DNMT3A: variants seen among roughly 807,000 people sequenced by gnomAD.
DNMT3A encodes the protein DNA (cytosine-5)-methyltransferase 3A.
Under a neutral mutation model 117.6 loss-of-function variants are expected in DNMT3A, and 267 were observed. That is an observed-to-expected ratio of 2.27 (90% CI 2.05 to 2.51). The LOEUF is 2.51. Ranked by LOEUF, DNMT3A falls within the 30% of genes most tolerant of loss-of-function variation. The pLI, the probability that DNMT3A is intolerant of heterozygous loss-of-function variation, is 0.00. For missense variants in DNMT3A, 1,029 were observed against 1,260.2 expected (o/e 0.82, Z 2.78); for synonymous variants, 432 against 474.8 (o/e 0.91, Z 1.17).
chr2:25,283,238 C>T (rs57976122), intron 3 of DNMT3A, among the ~76,000 whole-genome samples: 50,104 of 151,550 alleles, frequency 0.33, 8,507 homozygotes, highest in African/African-American at 0.4. Flanking sequence ...GGTGCATGCC[C>T]GTAATCCCAG....
chr2:25,243,671 G>T (rs1312892914), intron 16 of DNMT3A, among the ~76,000 whole-genome samples: 1 of 152,314 alleles, frequency 6.6e-6, no homozygotes, highest in South Asian at 2.1e-4. Context: ...CTAAGGAAGC[G>T]CCCAGCAGGC....
chr2:25,283,503 T>G lies in DNMT3A; in HGVS notation c.178-792A>C, dbSNP rs561733778. ...TCTGTGGTCAGTGCCCTCCCAGCTT[T>G]CCTCTTGGTCTCTTGAGGCATGAGA... is the stretch of plus-strand genomic sequence containing the variant. On this transcript the variant is annotated intron_variant, in intron 3 of 22. Transcript: ENST00000321117. Among the ~76,000 whole-genome samples the G allele has an allele frequency of 2.6e-5, 4 of 152,280 alleles. No homozygotes were observed. In the South Asian group the frequency reaches 8.3e-4, roughly 32 times the overall value.
intron 12 of DNMT3A, 61 bp from the exon 13 acceptor site, chr2:25,245,393 C>G: frequency 1.4e-6 from 2 of 1,480,576 alleles, no homozygotes; most frequent in Non-Finnish European, 9.3e-7. Flanking sequence ...CTCCCCGGGC[C>G]GGAGCCCAGC....
In DNMT3A at chr2:25,286,836, CT is replaced by C. The variant is rs985004275; in HGVS notation, c.178-4126del. ...GAGGGGCACCCCAGCCAGGCCTGGCCTCTTCTGCCCCCAACTCCATGTCCTC... is the reference window on the plus strand; with the variant it reads ...GAGGGGCACCCCAGCCAGGCCTGGCCCTTCTGCCCCCAACTCCATGTCCTC... On this transcript the variant is annotated intron_variant, in intron 3 of 22. Transcript: ENST00000321117. The surrounding 1 kb of genome is among the most constrained non-coding windows in gnomAD (Gnocchi z 4.3). 2.0e-4 allele frequency among the ~76,000 whole-genome samples: 31 copies of C among 152,306 alleles called. No homozygotes were observed. Among genetic ancestry groups the C allele is most frequent in the African/African-American group, 7.2e-4 (30 of 41,556 alleles).
Position 25,237,073 on chromosome 2 carries a change from G to T in DNMT3A, c.2409-68C>A. On this transcript the variant is annotated intron_variant, in intron 20 of 22. Coordinates refer to ENST00000321117, the MANE Select transcript of DNMT3A (RefSeq NM_022552.5). The surrounding 1 kb of genome is among the most constrained non-coding windows in gnomAD (Gnocchi z 5.4). ...ACAGCGGGAAGGGCCCCAGCTGCAC[G>T]ACTCCCCTCCCTCCCCCAGCAGCCA... 6.6e-7 allele frequency: 1 copy of T among 1,512,168 alleles called. No homozygotes were observed. The highest frequency in any genetic ancestry group is 1.2e-5 in the South Asian group (1 of 84,998). The allele number at this position is 1,512,168 out of a possible 1,614,324, so 93.7% of individuals were successfully genotyped here.
chr2:25,241,798 TG>T, intron 16 of DNMT3A, 91 bp from the exon 17 acceptor site: 1 of 1,522,224 alleles, frequency 6.6e-7, no homozygotes. Context: ...ACAGGACCCA[TG>T]GGGTCAGCTG....
chr2:25,292,341 A>C (rs2015221), intron 3 of DNMT3A, among the ~76,000 whole-genome samples: 83,464 of 150,752 alleles, frequency 0.55, 23,412 homozygotes, highest in Non-Finnish European at 0.6. Flanking sequence ...CAGAGTGAGA[A>C]TCTGTCTCAA....
rs1008419732 is a variant in DNMT3A, at chr2:25,282,137, G to A, written c.448+304C>T. 8.7e-5 allele frequency: 100 copies of A among 1,150,342 alleles called. No homozygotes were observed. Among genetic ancestry groups the A allele is most frequent in the South Asian group, 1.6e-4 (7 of 44,822 alleles). The allele number at this position is 1,150,342 out of a possible 1,614,324, so 71.3% of individuals were successfully genotyped here. A position where few individuals can be genotyped will look rare whatever the true frequency, so the allele number is the denominator to read the frequency against. On this transcript the variant is annotated intron_variant, in intron 4 of 22. Transcript: ENST00000321117. The surrounding 1 kb of genome is among the most constrained non-coding windows in gnomAD (Gnocchi z 5.2). ...GCAATCGTTGGCGTTATGAAAGCCC[G>A]CTGTTGCCAGATCTAGCTTTTTTTT...
intron 3 of DNMT3A, among the ~76,000 whole-genome samples, chr2:25,289,195 C>T (rs895614616): frequency 6.6e-5 from 10 of 151,880 alleles, no homozygotes; most frequent in Admixed American, 2.6e-4. Context: ...CTCCACCTCC[C>T]GGATTCAAGC....
At chr2:25,244,101 C>A in intron 15 of DNMT3A, 54 bp downstream of exon 15, 1 of 1,611,342 alleles carries the variant, frequency 6.2e-7, no homozygotes, top group Non-Finnish European at 8.5e-7. Flanking sequence ...TCAGGCCCCA[C>A]AACCAAGGCT....
rs966204189 is a variant in DNMT3A at position 25,286,546 on chromosome 2, T to TG, written c.178-3836dup. On this transcript the variant is annotated intron_variant, in intron 3 of 22. Transcript: ENST00000321117. The surrounding 1 kb of genome is among the most constrained non-coding windows in gnomAD (Gnocchi z 4.3). Reference sequence around the variant, plus strand: ...ATGATTCAGCCAAAGTTCTGGGATTTGGGGGGGAGGGCAATGACTTCTGCC... The same window carrying TG: ...ATGATTCAGCCAAAGTTCTGGGATTTGGGGGGGGAGGGCAATGACTTCTGCC... Among the ~76,000 whole-genome samples the TG allele has an allele frequency of 2.4e-4, 37 of 152,214 alleles. No individual in the cohort carries two copies. The highest frequency in any genetic ancestry group is 8.2e-4 in the African/African-American group (34 of 41,536).
chr2:25,257,745 C>A lies in DNMT3A; in HGVS notation c.640-9493G>T, dbSNP rs376523773. On this transcript the variant is annotated intron_variant, in intron 6 of 22. Transcript: ENST00000321117. This position sits in a 1 kb window ranked among gnomAD's most constrained non-coding sequence, Gnocchi z 4.8. ...AAGGAGGGCTTTAAAAATACAGATT[C>A]TTGGGGTCTACCTACGTAGATCAGC... 3.2e-4 allele frequency among the ~76,000 whole-genome samples: 49 copies of A among 152,312 alleles called. No homozygotes were observed. Among genetic ancestry groups the A allele is most frequent in the African/African-American group, 1.2e-3 (48 of 41,586 alleles).
chr2:25,235,119 G>A (rs1673202941), intron 22 of DNMT3A, among the ~76,000 whole-genome samples: 1 of 152,052 alleles, frequency 6.6e-6, no homozygotes, highest in Admixed American at 6.5e-5. Flanking sequence ...TGTCACTGCA[G>A]TGGTTCCCTG....
At chr2:25,299,428 G>T (rs1481785045) in intron 3 of DNMT3A, among the ~76,000 whole-genome samples, 1 of 152,228 alleles carries the variant, frequency 6.6e-6, no homozygotes. Flanking sequence ...TCCTCCAGGT[G>T]GGGGCTGAGA....
rs2033076998 is a variant in DNMT3A, at chr2:25,296,179, G to A, written c.177+3960C>T. Among the ~76,000 whole-genome samples, 1 of 152,204 alleles carries A rather than the reference G, an allele frequency of 6.6e-6. No individual in the cohort carries two copies. The highest frequency in any genetic ancestry group is 2.1e-4 in the South Asian group (1 of 4,836). ...CCCATGTGTGTGATCGGTGGGCTTGGAACTTGTCTTTATCAGTTCATTTTT... is the reference window on the plus strand; with the variant it reads ...CCCATGTGTGTGATCGGTGGGCTTGAAACTTGTCTTTATCAGTTCATTTTT... On this transcript the variant is annotated intron_variant, in intron 3 of 22. Transcript: ENST00000321117. The surrounding 1 kb of genome is among the most constrained non-coding windows in gnomAD (Gnocchi z 4.2).
chr2:25,274,222 T>G (rs959552960), intron 6 of DNMT3A, among the ~76,000 whole-genome samples: 1 of 152,042 alleles, frequency 6.6e-6, no homozygotes, highest in Non-Finnish European at 1.5e-5. Flanking sequence ...CCAGTTCCCC[T>G]CCCTGCCGGT....
At chr2:25,310,071 G>A (rs765045780) in intron 2 of DNMT3A, among the ~76,000 whole-genome samples, 1 of 152,036 alleles carries the variant, frequency 6.6e-6, no homozygotes, top group African/African-American at 2.4e-5. Flanking sequence ...AAAAAAGAAT[G>A]GAATAAGATA....
intron 2 of DNMT3A, among the ~76,000 whole-genome samples, chr2:25,308,847 T>C (rs2033921362): frequency 6.6e-6 from 1 of 152,070 alleles, no homozygotes; most frequent in Admixed American, 6.5e-5. Flanking sequence ...TGGAGGCCCT[T>C]GTACTTGCAG....
Position 25,243,841 on chromosome 2 carries a change from C to T in DNMT3A, c.1936+57G>A, listed in dbSNP as rs1674366484. ...CGTTTTGCCAGAGTTGCCCACACAC[C>T]TGGCTCCCCCATCCTGGGACAAGGC... On this transcript the variant is annotated intron_variant, in intron 16 of 22. Transcript: ENST00000321117. The T allele has an allele frequency of 1.9e-6, 3 of 1,540,802 alleles. No homozygotes were observed. The African/African-American group carries it at 4.1e-5, about 21-fold the overall frequency.
Sources: allele counts gnomAD v4.1 joint callset (sites outside exome capture counted in the v4.1 genomes callset), GRCh38; gene constraint gnomAD v4.1.1; non-coding constraint Gnocchi (gnomAD v3.1); transcripts MANE v1.5; gene names NCBI Gene and HGNC (gene_info 2026-07-23, HGNC 2026-07-21).